The following RALGAPA1 variants were observed in gnomAD, a reference collection of about 807,000 sequenced individuals.
RALGAPA1 encodes ral GTPase-activating protein subunit alpha-1.
Under a neutral mutation model 269.6 loss-of-function variants are expected in RALGAPA1, and 52 were observed. That is an observed-to-expected ratio of 0.19 (90% CI 0.15 to 0.24). RALGAPA1 has a LOEUF of 0.24. RALGAPA1 is among the 10% of genes least tolerant of loss of function. The probability of loss-of-function intolerance (pLI) is 1.00; values close to 1 mark genes in which losing one functional copy is unlikely to be tolerated. For synonymous variants in RALGAPA1, 817 were observed against 1,008.3 expected (o/e 0.81, Z 3.60); for missense variants, 1,917 against 3,013.9 (o/e 0.64, Z 8.52).
At chr14:35,544,330 G>C (rs1211504817) in intron 41 of RALGAPA1, among the ~76,000 whole-genome samples, 18 of 152,138 alleles carry the variant, frequency 1.2e-4, no homozygotes, top group Non-Finnish European at 8.8e-5. Flanking sequence ...CAGCAGGAAG[G>C]GGATGAAAAT....
chr14:35,549,737 T>C (rs886384936), intron 39 of RALGAPA1, among the ~76,000 whole-genome samples: 1 of 152,204 alleles, frequency 6.6e-6, no homozygotes, highest in African/African-American at 2.4e-5. Flanking sequence ...CTTCTTCTTT[T>C]TCTAAAATCC....
intron 24 of RALGAPA1, 130 bp from the exon 25 acceptor site, chr14:35,673,152 C>T: frequency 9.8e-7 from 1 of 1,018,096 alleles, no homozygotes; most frequent in Admixed American, 4.3e-5. Flanking sequence ...CTTTAATGAA[C>T]TAAAATTCAG....
At chr14:35,798,820 C>T (rs1217747724) in intron 1 of RALGAPA1, among the ~76,000 whole-genome samples, 6 of 152,024 alleles carry the variant, frequency 3.9e-5, no homozygotes, top group African/African-American at 1.2e-4. Context: ...CAAAACCCAT[C>T]TCTACTAAAA....
chr14:35,687,046 T>C (rs2066001034), intron 18 of RALGAPA1, among the ~76,000 whole-genome samples: 1 of 152,204 alleles, frequency 6.6e-6, no homozygotes, highest in South Asian at 2.1e-4. Context: ...TTGCAGGGAA[T>C]ACATCCTTTG....
chr14:35,572,559 C>A lies in RALGAPA1; in HGVS notation c.7368+1G>T. The A allele has an allele frequency of 6.3e-7, 1 of 1,596,096 alleles. No individual in the cohort carries two copies. Among genetic ancestry groups the A allele is most frequent in the Non-Finnish European group, 8.5e-7 (1 of 1,172,528 alleles). On this transcript the variant is annotated splice_donor_variant, in intron 38 of 41. Coordinates refer to ENST00000680220, the MANE Select transcript of RALGAPA1 (RefSeq NM_001346249.2). LOFTEE classifies it high-confidence loss of function. ...TAAAATGGAAGATAAGGAGTTCTTA[C>A]CTCTGGTTTTTTCATTATCTGAATA...
At chr14:35,765,935 C>T (rs541489144) in intron 4 of RALGAPA1, 58 of 1,303,140 alleles carry the variant, frequency 4.5e-5, no homozygotes, top group Non-Finnish European at 6.0e-5. Flanking sequence ...ATGCAGAAGG[C>T]GTATTTGGAC....
At chr14:35,736,607 A>C (rs542802269) in intron 12 of RALGAPA1, among the ~76,000 whole-genome samples, 1 of 152,340 alleles carries the variant, frequency 6.6e-6, no homozygotes, top group African/African-American at 2.4e-5. Flanking sequence ...GCAAAGAAGC[A>C]TTTCAATGGG....
chr14:35,794,075 G>C (rs1222679799), intron 1 of RALGAPA1, among the ~76,000 whole-genome samples: 1 of 152,064 alleles, frequency 6.6e-6, no homozygotes, highest in Non-Finnish European at 1.5e-5. Flanking sequence ...AAATCAGACA[G>C]ATTCAAATTA....
chr14:35,796,592 T>A lies in RALGAPA1; in HGVS notation c.106+12138A>T, dbSNP rs559475383. Among the ~76,000 whole-genome samples, 11 of 152,156 alleles carry A rather than the reference T, an allele frequency of 7.2e-5. No homozygotes were observed. The South Asian group carries it at 1.9e-3, about 26-fold the overall frequency. On this transcript the variant is annotated intron_variant, in intron 1 of 41. Transcript: ENST00000680220. ...TAACCAAGGCATATGATAATCAGAC[T>A]CCTCAACACCAGTGATGAAGAGGTC...
intron 36 of RALGAPA1, among the ~76,000 whole-genome samples, chr14:35,597,146 A>G (rs2058975483): frequency 1.3e-5 from 2 of 152,170 alleles, no homozygotes; most frequent in Non-Finnish European, 2.9e-5. Context: ...ATCATGCTCC[A>G]TTTGTGAAAG....
intron 39 of RALGAPA1, among the ~76,000 whole-genome samples, chr14:35,552,164 TC>T (rs896666435): frequency 4.7e-4 from 71 of 151,056 alleles, no homozygotes; most frequent in African/African-American, 1.1e-3. Context: ...AGGACTTACA[TC>T]CCCCCCCGGC....
In RALGAPA1 at chr14:35,538,467, A is replaced by G. The variant is rs1030164564; in HGVS notation, c.*1247T>C. ...AATGATGATACATAATTTATATTTT[A>G]CGGTTTGCCAGTATGATGTATTTAC... On this transcript the variant is annotated 3_prime_UTR_variant, in exon 42 of 42. Transcript: ENST00000680220. 2.0e-5 allele frequency: 3 copies of G among 152,658 alleles called. No homozygotes were observed. Among genetic ancestry groups the G allele is most frequent in the African/African-American group, 7.2e-5 (3 of 41,454 alleles). 9.5% of individuals were successfully genotyped at this position (152,658 alleles called of 1,614,324 possible).
intron 41 of RALGAPA1, among the ~76,000 whole-genome samples, chr14:35,540,509 T>C (rs555986049): frequency 6.6e-6 from 1 of 152,284 alleles, no homozygotes; most frequent in East Asian, 1.9e-4. Context: ...TATAAAGTAG[T>C]TTTTCATCTC....
At chr14:35,731,812 TAGGGGAATAATCA>T (rs1238669647) in intron 12 of RALGAPA1, among the ~76,000 whole-genome samples, 1 of 152,182 alleles carries the variant, frequency 6.6e-6, no homozygotes, top group Non-Finnish European at 1.5e-5. Context: ...AAAACATATT[TAGGGGAATAATCA>T]AGGAAAGCTT....
At position 35,605,581 on chromosome 14, in the gene RALGAPA1, A is replaced by C. The variant is rs1427047319; in HGVS notation, c.7053+5T>G. The C allele has an allele frequency of 1.9e-6, 3 of 1,575,194 alleles. No individual in the cohort carries two copies. Among genetic ancestry groups the C allele is most frequent in the Admixed American group, 2.0e-5 (1 of 49,690 alleles). ...TAAATATTTCGTATAATTTAAAAAT[A>C]ATACCTCCCAACCAAGACCAGCTAC... On this transcript the variant is annotated splice_donor_5th_base_variant and intron_variant, in intron 36 of 41. Transcript: ENST00000680220.
In RALGAPA1 at chr14:35,733,254, G is replaced by T. The variant is rs569871893; in HGVS notation, c.1588-4744C>A. Reference sequence around the variant, plus strand: ...GCGCTTTGGGAGGCTGAGGCGGGCGGATCACCTGAGTGTGGGAGTTCAAGA... The same window carrying T: ...GCGCTTTGGGAGGCTGAGGCGGGCGTATCACCTGAGTGTGGGAGTTCAAGA... On this transcript the variant is annotated intron_variant, in intron 12 of 41. Coordinates refer to ENST00000680220, the MANE Select transcript of RALGAPA1 (RefSeq NM_001346249.2). Among the ~76,000 whole-genome samples the T allele has an allele frequency of 2.0e-5, 3 of 152,232 alleles. No individual in the cohort carries two copies. The South Asian group carries it at 6.2e-4, about 32-fold the overall frequency.
At chr14:35,562,039 T>C (rs1456579930) in intron 39 of RALGAPA1, among the ~76,000 whole-genome samples, 2 of 152,180 alleles carry the variant, frequency 1.3e-5, no homozygotes, top group African/African-American at 4.8e-5. Flanking sequence ...AGAATGACCA[T>C]AACTATACAT....
intron 1 of RALGAPA1, among the ~76,000 whole-genome samples, chr14:35,779,834 C>G (rs1011609691): frequency 6.6e-6 from 1 of 152,046 alleles, no homozygotes; most frequent in African/African-American, 2.4e-5. Context: ...TAAAAATGAT[C>G]AAAATTAGGC....
At chr14:35,569,775 T>G (rs2057021844) in intron 39 of RALGAPA1, among the ~76,000 whole-genome samples, 1 of 152,100 alleles carries the variant, frequency 6.6e-6, no homozygotes, top group Non-Finnish European at 1.5e-5. Flanking sequence ...TCCAGGTGAG[T>G]GAGAGACCCC....
Sources: gnomAD v4.1 joint callset for allele counts (sites outside exome capture counted in the v4.1 genomes callset) on GRCh38, gnomAD v4.1.1 for gene constraint, MANE v1.5 for transcripts, NCBI Gene and HGNC (gene_info 2026-07-23, HGNC 2026-07-21) for gene names.